SNX29: variants seen among roughly 807,000 people sequenced by gnomAD.
SNX29 encodes sorting nexin-29.
Under a neutral mutation model 102.1 loss-of-function variants are expected in SNX29, and 78 were observed. The ratio of observed to expected loss-of-function variants is 0.76; its 90% CI spans 0.64 to 0.92. The LOEUF is 0.92. SNX29 is among the 40% of genes least tolerant of loss of function. The pLI is 0.00. For synonymous variants in SNX29, 580 were observed against 414.5 expected (o/e 1.40, Z -4.85); for missense variants, 1,280 against 1,061.7 (o/e 1.21, Z -2.86).
chr16:12,047,044 T>C (rs1380836863), intron 6 of SNX29, among the ~76,000 whole-genome samples: 3 of 152,198 alleles, frequency 2.0e-5, no homozygotes, highest in African/African-American at 7.2e-5. Context: ...AGACCTACCT[T>C]TGAATCCTGG....
intron 20 of SNX29, among the ~76,000 whole-genome samples, chr16:12,537,184 C>T (rs952201116): frequency 1.3e-5 from 2 of 152,184 alleles, no homozygotes; most frequent in African/African-American, 2.4e-5. Flanking sequence ...TGCCATCCCC[C>T]TGGCCAGCCC....
intron 20 of SNX29, 115 bp from the exon 21 acceptor site, chr16:12,568,391 C>A (rs1443918420): frequency 2.2e-6 from 3 of 1,381,060 alleles, no homozygotes; most frequent in Non-Finnish European, 2.0e-6. Context: ...TCCAATGAGC[C>A]AGTCACAGTT....
chr16:12,552,395 C>T (rs1385013585), intron 20 of SNX29, among the ~76,000 whole-genome samples: 1 of 152,204 alleles, frequency 6.6e-6, no homozygotes, highest in South Asian at 2.1e-4. Flanking sequence ...GTACCTGGCG[C>T]AGAGCAGTGG....
chr16:12,478,012 T>C (rs1295693755), intron 19 of SNX29, among the ~76,000 whole-genome samples, 153 bp downstream of exon 19: 1 of 152,272 alleles, frequency 6.6e-6, no homozygotes, highest in Non-Finnish European at 1.5e-5. Flanking sequence ...TAGCCATTCA[T>C]AATTCCACCA....
At chr16:11,991,191 A>G (rs1019591932) in intron 1 of SNX29, among the ~76,000 whole-genome samples, 4 of 152,264 alleles carry the variant, frequency 2.6e-5, no homozygotes, top group Admixed American at 1.3e-4. Context: ...TGCAGGGCAC[A>G]TTGGATGAAT....
chr16:12,282,699 G>A (rs1050631185), intron 15 of SNX29, among the ~76,000 whole-genome samples: 14 of 152,002 alleles, frequency 9.2e-5, no homozygotes, highest in Middle Eastern at 3.4e-3. Context: ...CTTTTTGCCC[G>A]GGCTGGAGTG....
intron 13 of SNX29, among the ~76,000 whole-genome samples, chr16:12,180,316 C>T (rs74344320): frequency 0.013 from 1,942 of 152,214 alleles, 21 homozygotes; most frequent in Non-Finnish European, 0.021. Flanking sequence ...TTCTGGCGTA[C>T]GTTGTTCTTT....
intron 11 of SNX29, chr16:12,089,753 G>A (rs2052410022): frequency 3.4e-6 from 1 of 298,310 alleles, no homozygotes. Flanking sequence ...AAGCAGGGGC[G>A]ATAGGATTTA....
chr16:12,049,434 G>A (rs891901542), intron 7 of SNX29, among the ~76,000 whole-genome samples: 13 of 151,850 alleles, frequency 8.6e-5, no homozygotes, highest in African/African-American at 3.1e-4. Context: ...CCGGGTTCAA[G>A]CAATTCTCCT....
At chr16:12,553,132 C>G (rs1032156609) in intron 20 of SNX29, among the ~76,000 whole-genome samples, 2 of 152,170 alleles carry the variant, frequency 1.3e-5, no homozygotes, top group Non-Finnish European at 2.9e-5. Flanking sequence ...CCTTGGGCTT[C>G]TGGCTCACAG....
At chr16:12,095,117 A>G (rs2052714352) in intron 11 of SNX29, 1 of 152,198 alleles carries the variant, frequency 6.6e-6, no homozygotes, top group African/African-American at 2.4e-5. Flanking sequence ...TAGCTGCGGA[A>G]GTACCGTCAC....
chr16:12,061,424 C>G (rs1446199139), intron 8 of SNX29, 104 bp from the exon 9 acceptor site: 1 of 895,120 alleles, frequency 1.1e-6, no homozygotes, highest in Non-Finnish European at 1.7e-6. Context: ...TCAGCCCTGC[C>G]TTGGCCTGGT....
At chr16:12,317,936 C>T (rs2080805056) in intron 15 of SNX29, among the ~76,000 whole-genome samples, 2 of 152,250 alleles carry the variant, frequency 1.3e-5, no homozygotes, top group South Asian at 4.1e-4. Flanking sequence ...CCTGCCATTT[C>T]TACCGGCCTG....
chr16:12,256,124 G>C (rs925901470), intron 14 of SNX29, among the ~76,000 whole-genome samples: 1 of 152,168 alleles, frequency 6.6e-6, no homozygotes, highest in African/African-American at 2.4e-5. Flanking sequence ...CCGATGATTG[G>C]TAATGTTGAG....
chr16:12,565,294 A>C (rs904198050), intron 20 of SNX29, among the ~76,000 whole-genome samples: 1 of 152,176 alleles, frequency 6.6e-6, no homozygotes, highest in Admixed American at 6.5e-5. Flanking sequence ...AGCAGCCACC[A>C]GCACTCTCCA....
intron 18 of SNX29, among the ~76,000 whole-genome samples, chr16:12,463,190 C>G (rs2086888330): frequency 6.6e-6 from 1 of 152,216 alleles, no homozygotes; most frequent in South Asian, 2.1e-4. Flanking sequence ...GAGGCACTTT[C>G]TCTGCATTGC....
chr16:12,338,290 G>T (rs1008689511), intron 15 of SNX29, among the ~76,000 whole-genome samples: 1 of 152,172 alleles, frequency 6.6e-6, no homozygotes, highest in Non-Finnish European at 1.5e-5. Flanking sequence ...TGAGCCGTGG[G>T]GTTGGGCGAG....
chr16:12,160,000 G>A (rs1357295252), intron 13 of SNX29, among the ~76,000 whole-genome samples: 1 of 152,176 alleles, frequency 6.6e-6, no homozygotes, highest in African/African-American at 2.4e-5. Flanking sequence ...TCTTGTCTCT[G>A]GGAACTCTAA....
chr16:12,527,487 A>G, intron 20 of SNX29: 1 of 429,402 alleles, frequency 2.3e-6, no homozygotes, highest in South Asian at 2.2e-5. Flanking sequence ...AGTCCATTTG[A>G]GTTACTGAAC....
Sources: gnomAD v4.1 joint callset for allele counts (sites outside exome capture counted in the v4.1 genomes callset) on GRCh38, gnomAD v4.1.1 for gene constraint, MANE v1.5 for transcripts, NCBI Gene and HGNC (gene_info 2026-07-23, HGNC 2026-07-21) for gene names.